Variants in MECOM observed in about 807,000 individuals in gnomAD.
MECOM encodes the protein histone-lysine N-methyltransferase MECOM.
In MECOM, 13 loss-of-function variants were observed where a neutral mutation model predicts 116.3. The observed-to-expected ratio is 0.11, with a 90% CI of 0.07 to 0.18. The LOEUF is 0.18. MECOM is among the 10% of genes least tolerant of loss of function. The pLI is 1.00. For synonymous variants in MECOM, 528 were observed against 535.2 expected, an observed-to-expected ratio of 0.99 and a Z score of 0.19; for missense variants, 1,299 against 1,509.0, an observed-to-expected ratio of 0.86 and a Z score of 2.31.
intron 2 of MECOM, among the ~76,000 whole-genome samples, chr3:169,277,351 C>T (rs1759730620): frequency 1.3e-5 from 2 of 152,140 alleles, no homozygotes; most frequent in Admixed American, 1.3e-4. Context: ...GAAAGAAAAA[C>T]TTAAGAGAGA....
Position 169,336,835 on chromosome 3 carries a change from G to A in MECOM, c.375+44352C>T, listed in dbSNP as rs905990062. ...AAGGACTAAAAAGTAACAGCATTTT[G>A]TTTCAGAGATACTACCTTTATGTAA... is the stretch of plus-strand genomic sequence containing the variant. On this transcript the variant is annotated intron_variant, in intron 2 of 16. Transcript: ENST00000651503. 3.9e-5 allele frequency among the ~76,000 whole-genome samples: 6 copies of A among 152,160 alleles called. No individual in the cohort carries two copies. In the East Asian group the frequency reaches 9.6e-4, roughly 24 times the overall value.
intron 2 of MECOM, among the ~76,000 whole-genome samples, chr3:169,379,318 G>A (rs73879057): frequency 7.7e-4 from 117 of 152,088 alleles, no homozygotes; most frequent in African/African-American, 2.7e-3. Flanking sequence ...TTAAAATGAT[G>A]GGAAAAGCTA....
chr3:169,629,236 AT>A (rs1478971104), intron 1 of MECOM, among the ~76,000 whole-genome samples: 1 of 151,738 alleles, frequency 6.6e-6, no homozygotes, highest in Admixed American at 6.6e-5. Context: ...TGCATTTTAC[AT>A]TTTTTAAATG....
intron 2 of MECOM, among the ~76,000 whole-genome samples, chr3:169,303,977 C>T (rs1222520719): frequency 1.3e-5 from 2 of 152,154 alleles, no homozygotes; most frequent in African/African-American, 4.8e-5. Context: ...AATGTGGTTG[C>T]TTTCAAAAAA....
intron 2 of MECOM, among the ~76,000 whole-genome samples, chr3:169,367,904 C>T (rs1445202026): frequency 6.6e-6 from 1 of 152,006 alleles, no homozygotes; most frequent in Non-Finnish European, 1.5e-5. Flanking sequence ...GTGGACCCAG[C>T]TCACACTATG....
rs1399266790 is a variant in MECOM at position 169,115,723 on chromosome 3, A to T, written c.2149T>A (p.Ser717Thr). ...TGGGGTTCCATTTTCAAAGGTAACG[A>T]TCTCAAGTCTCTATCAGGAAATGGG... ...MYPFPDRDLRSLPLKMEPQSP... is the reference protein window; with the variant it reads ...MYPFPDRDLRTLPLKMEPQSP... The change falls in exon 8 of 17, where the codon TCG (serine) becomes ACG (threonine). Residue 717 changes from serine (S) to threonine (T), a missense_variant. Ser to Thr is a moderately conservative substitution (Grantham distance 58, BLOSUM62 1). Coordinates refer to ENST00000651503, the MANE Select transcript of MECOM (RefSeq NM_004991.4). The T allele has an allele frequency of 6.2e-7, 1 of 1,614,174 alleles. No individual in the cohort carries two copies. The highest frequency in any genetic ancestry group is 8.5e-7 in the Non-Finnish European group (1 of 1,180,040).
At chr3:169,549,261 C>T (rs922405863) in intron 1 of MECOM, among the ~76,000 whole-genome samples, 2 of 152,040 alleles carry the variant, frequency 1.3e-5, no homozygotes, top group African/African-American at 2.4e-5. Context: ...TGTGAGTCAC[C>T]GTGCCCGGCC....
chr3:169,112,762 G>T (rs1385867090), intron 9 of MECOM, 25 bp downstream of exon 9: 1 of 1,572,068 alleles, frequency 6.4e-7, no homozygotes, highest in Non-Finnish European at 8.7e-7. Context: ...TTACAAGCTG[G>T]AAATCTCAAA....
At chr3:169,119,152 G>T (rs1039750277) in intron 7 of MECOM, among the ~76,000 whole-genome samples, 1 of 152,196 alleles carries the variant, frequency 6.6e-6, no homozygotes, top group African/African-American at 2.4e-5. Flanking sequence ...GGGCTCAAGC[G>T]TGGCAGCACA....
intron 1 of MECOM, among the ~76,000 whole-genome samples, chr3:169,455,143 C>T (rs889903007): frequency 2.6e-5 from 4 of 152,100 alleles, no homozygotes; most frequent in Admixed American, 1.3e-4. Context: ...GGCTAAGTGT[C>T]ATTATAAGGT....
At chr3:169,332,781 T>C (rs1351611645) in intron 2 of MECOM, among the ~76,000 whole-genome samples, 1 of 152,182 alleles carries the variant, frequency 6.6e-6, no homozygotes, top group Non-Finnish European at 1.5e-5. Flanking sequence ...CATCAGTGCA[T>C]TTATTGGTTT....
intron 2 of MECOM, among the ~76,000 whole-genome samples, chr3:169,187,067 G>A (rs374763469): frequency 2.0e-4 from 30 of 152,218 alleles, no homozygotes; most frequent in African/African-American, 7.2e-4. Context: ...TTACTGTTAG[G>A]TCTTAGAAGT....
intron 9 of MECOM, among the ~76,000 whole-genome samples, chr3:169,108,365 C>G (rs1401410282): frequency 6.6e-6 from 1 of 152,092 alleles, no homozygotes; most frequent in East Asian, 1.9e-4. Flanking sequence ...GATATTTACT[C>G]AAATATGAAT....
chr3:169,415,695 G>A (rs1021133841), intron 1 of MECOM, among the ~76,000 whole-genome samples: 7 of 151,704 alleles, frequency 4.6e-5, no homozygotes, highest in Non-Finnish European at 5.9e-5. Context: ...TATTTACCAA[G>A]CCAATGGAAA....
chr3:169,483,125 T>C (rs532288199), intron 1 of MECOM, among the ~76,000 whole-genome samples: 4 of 151,832 alleles, frequency 2.6e-5, no homozygotes, highest in Non-Finnish European at 4.4e-5. Flanking sequence ...ACTTAACATA[T>C]AGAACACAGT....
chr3:169,248,038 AAG>A (rs1206030310), intron 2 of MECOM, among the ~76,000 whole-genome samples: 4 of 152,224 alleles, frequency 2.6e-5, no homozygotes, highest in Non-Finnish European at 5.9e-5. Flanking sequence ...ATAGGTTGTG[AAG>A]ATTAAATAAA....
intron 1 of MECOM, among the ~76,000 whole-genome samples, chr3:169,630,639 T>C (rs893733914): frequency 8.5e-5 from 13 of 152,254 alleles, no homozygotes; most frequent in African/African-American, 2.6e-4. Context: ...TTTATTTTTA[T>C]TTTTGTAGAG....
intron 1 of MECOM, among the ~76,000 whole-genome samples, chr3:169,445,190 G>A (rs1441883658): frequency 1.3e-5 from 2 of 152,120 alleles, no homozygotes; most frequent in Non-Finnish European, 2.9e-5. Context: ...GAAGACCATG[G>A]GGAAAATGTA....
In MECOM at chr3:169,121,274, G is replaced by A. The variant is rs545104445; in HGVS notation, c.979-65C>T. ...TCAAGGGCACAATAAAGAAGACCCG[G>A]GATGACTCAAGAAGAAATTTTTCTT... On this transcript the variant is annotated intron_variant, in intron 6 of 16. Coordinates refer to ENST00000651503, the MANE Select transcript of MECOM (RefSeq NM_004991.4). The A allele has an allele frequency of 8.9e-6, 13 of 1,467,352 alleles. No individual in the cohort carries two copies. The Admixed American group carries it at 9.5e-5, about 11-fold the overall frequency. 90.9% of individuals were successfully genotyped at this position (1,467,352 alleles called of 1,614,324 possible).
Sources: allele counts gnomAD v4.1 joint callset (sites outside exome capture counted in the v4.1 genomes callset), GRCh38; gene constraint gnomAD v4.1.1; transcripts MANE v1.5; gene names NCBI Gene and HGNC (gene_info 2026-07-23, HGNC 2026-07-21).